Variants in KPNA4 observed in about 807,000 individuals in gnomAD.
The protein encoded by KPNA4 is importin subunit alpha-3.
KPNA4 carries 13 observed loss-of-function variants against 71.3 expected under a neutral mutation model. The observed-to-expected ratio is 0.18, with a 90% CI of 0.12 to 0.29. The LOEUF (loss-of-function observed/expected upper bound fraction) is 0.29. Ranked by LOEUF, KPNA4 falls within the 10% of genes least tolerant of loss-of-function variation. The probability of loss-of-function intolerance (pLI) is 1.00; values close to 1 mark genes in which losing one functional copy is unlikely to be tolerated. For synonymous variants in KPNA4, 189 were observed against 195.2 expected, an observed-to-expected ratio of 0.97 and a Z score of 0.26; for missense variants, 334 against 603.2, an observed-to-expected ratio of 0.55 and a Z score of 4.67.
At chr3:160,560,595 AT>A (rs990947389) in intron 1 of KPNA4, among the ~76,000 whole-genome samples, 11 of 151,120 alleles carry the variant, frequency 7.3e-5, no homozygotes, top group Admixed American at 3.3e-4. Context: ...CTACCTTTGC[AT>A]TTTTTTTTCT....
intron 11 of KPNA4, among the ~76,000 whole-genome samples, chr3:160,520,702 C>T (rs1214359432): frequency 6.6e-6 from 1 of 152,120 alleles, no homozygotes; most frequent in Non-Finnish European, 1.5e-5. Flanking sequence ...GAAATATTTT[C>T]TGAAACAGAA....
intron 1 of KPNA4, among the ~76,000 whole-genome samples, chr3:160,559,653 G>A (rs1320101692): frequency 6.6e-6 from 1 of 152,070 alleles, no homozygotes; most frequent in Non-Finnish European, 1.5e-5. Flanking sequence ...TTACGGTGTA[G>A]TATCACTTAA....
rs1720831675 is a variant in KPNA4 at position 160,499,290 on chromosome 3, G to C, written c.*2814C>G. The C allele has an allele frequency of 6.6e-6, 1 of 152,030 alleles. No homozygotes were observed. Among genetic ancestry groups the C allele is most frequent in the Non-Finnish European group, 1.5e-5 (1 of 67,990 alleles). 9.4% of individuals were successfully genotyped at this position (152,030 alleles called of 1,614,324 possible). A position where few individuals can be genotyped will look rare whatever the true frequency, so the allele number is the denominator to read the frequency against. On this transcript the variant is annotated 3_prime_UTR_variant, in exon 17 of 17. Coordinates refer to ENST00000334256, the MANE Select transcript of KPNA4 (RefSeq NM_002268.5). The stretch of plus-strand genomic sequence containing the variant: ...TATTTAAAGATAGATTTTAGACTAG[G>C]GCGTCTCACACACCCCTAATATAAC...
intron 1 of KPNA4, among the ~76,000 whole-genome samples, chr3:160,560,255 T>C (rs555085371): frequency 1.1e-4 from 17 of 152,236 alleles, no homozygotes; most frequent in Non-Finnish European, 1.9e-4. Context: ...AATGTTATCT[T>C]ATTAAATCAA....
intron 1 of KPNA4, among the ~76,000 whole-genome samples, chr3:160,564,978 G>A (rs1394372276): frequency 3.4e-5 from 5 of 148,228 alleles, no homozygotes; most frequent in Admixed American, 2.7e-4. Flanking sequence ...GGCTCCGCCG[G>A]GCAGGCCTAG....
chr3:160,531,392 T>G, intron 6 of KPNA4, 70 bp downstream of exon 6: 2 of 753,676 alleles, frequency 2.7e-6, no homozygotes, highest in Non-Finnish European at 4.1e-6. Flanking sequence ...ATCAAACTAA[T>G]TACTAGAGTC....
intron 12 of KPNA4, chr3:160,514,846 A>C (rs1721171997): frequency 2.3e-6 from 1 of 433,456 alleles, no homozygotes; most frequent in African/African-American, 2.0e-5. Flanking sequence ...TTATAATCAT[A>C]GATAACTAAT....
At chr3:160,552,870 C>T (rs1722068999) in intron 1 of KPNA4, among the ~76,000 whole-genome samples, 3 of 151,934 alleles carry the variant, frequency 2.0e-5, no homozygotes, top group Admixed American at 1.3e-4. Context: ...TAGAGTGAGA[C>T]GGAGAAGTAG....
rs1721664181 is a variant in KPNA4, at chr3:160,535,244, C to G, written c.287+269G>C. On this transcript the variant is annotated intron_variant, in intron 5 of 16. Transcript: ENST00000334256. The stretch of plus-strand genomic sequence containing the variant: ...ACTCTATGGCATTAATTTGTTAAAT[C>G]AACTTTCCTTGGCATCTGTATGCAT... Among the ~76,000 whole-genome samples the G allele has an allele frequency of 2.0e-5, 3 of 152,128 alleles. No homozygotes were observed. The South Asian group carries it at 6.2e-4, about 32-fold the overall frequency.
chr3:160,541,649 G>GCGCA (rs376581446), intron 1 of KPNA4, among the ~76,000 whole-genome samples: 1,727 of 146,742 alleles, frequency 0.012, 30 homozygotes, highest in African/African-American at 0.031. Flanking sequence ...TTATATACGC[G>GCGCA]CACACACACA....
intron 1 of KPNA4, among the ~76,000 whole-genome samples, chr3:160,552,313 G>A (rs1456806015): frequency 6.6e-6 from 1 of 151,992 alleles, no homozygotes. Flanking sequence ...ATCTATACAT[G>A]TAACAAAACT....
chr3:160,557,501 C>T (rs531619174), intron 1 of KPNA4, among the ~76,000 whole-genome samples: 143 of 152,022 alleles, frequency 9.4e-4, no homozygotes, highest in Non-Finnish European at 1.7e-3. Flanking sequence ...CTTAGGATTC[C>T]GACTTTTGTT....
chr3:160,543,284 C>T (rs930604986), intron 1 of KPNA4, among the ~76,000 whole-genome samples: 2 of 152,070 alleles, frequency 1.3e-5, no homozygotes, highest in Non-Finnish European at 2.9e-5. Flanking sequence ...GGTATTAATT[C>T]CTTCACTTGT....
chr3:160,522,497 G>A (rs958431340), intron 10 of KPNA4, among the ~76,000 whole-genome samples: 4 of 150,782 alleles, frequency 2.7e-5, no homozygotes, highest in Non-Finnish European at 4.4e-5. Flanking sequence ...TCGCTCTGTC[G>A]CCCAGGCTGG....
At chr3:160,522,348 T>C (rs1721365856) in intron 10 of KPNA4, among the ~76,000 whole-genome samples, 1 of 152,244 alleles carries the variant, frequency 6.6e-6, no homozygotes, top group Non-Finnish European at 1.5e-5. Flanking sequence ...TCTCTAGTAT[T>C]GTAAGTACCA....
intron 2 of KPNA4, among the ~76,000 whole-genome samples, chr3:160,536,525 A>G (rs988462993): frequency 1.3e-5 from 2 of 152,128 alleles, no homozygotes; most frequent in Non-Finnish European, 2.9e-5. Flanking sequence ...TAAGTTCTTT[A>G]TATCTGTTTT....
chr3:160,525,677 T>C (rs1721443724), intron 10 of KPNA4, 123 bp downstream of exon 10: 1 of 441,930 alleles, frequency 2.3e-6, no homozygotes, highest in Non-Finnish European at 3.9e-6. Flanking sequence ...ACTCTTGAAA[T>C]GGGAAAATCT....
rs764222765 is a variant in KPNA4 at position 160,502,062 on chromosome 3, A to G, written c.*42T>C. 3.9e-6 allele frequency: 3 copies of G among 760,146 alleles called. No homozygotes were observed. The highest frequency in any genetic ancestry group is 2.1e-5 in the Admixed American group (1 of 48,776). 47.1% of individuals were successfully genotyped at this position (760,146 alleles called of 1,614,324 possible). ...TATACACACACACATATATATATAT[A>G]TATCTCAGTGCTGCATTGTACCTAA... On this transcript the variant is annotated 3_prime_UTR_variant, in exon 17 of 17. Coordinates refer to ENST00000334256, the MANE Select transcript of KPNA4 (RefSeq NM_002268.5).
chr3:160,501,027 G>A lies in KPNA4; in HGVS notation c.*1077C>T, dbSNP rs1312815997. ...TTTATGTTATCTCTGAAAATGAAAA[G>A]GATGGCCTTTTAAGCACATTTTACT... On this transcript the variant is annotated 3_prime_UTR_variant, in exon 17 of 17. Transcript: ENST00000334256. 1.3e-5 allele frequency: 2 copies of A among 152,440 alleles called. No individual in the cohort carries two copies. Among genetic ancestry groups the A allele is most frequent in the African/African-American group, 2.4e-5 (1 of 41,372 alleles). 9.4% of individuals were successfully genotyped at this position (152,440 alleles called of 1,614,324 possible).
Sources: gnomAD v4.1 joint callset for allele counts (sites outside exome capture counted in the v4.1 genomes callset) on GRCh38, gnomAD v4.1.1 for gene constraint, MANE v1.5 for transcripts, NCBI Gene and HGNC (gene_info 2026-07-23, HGNC 2026-07-21) for gene names.